CSMD1: variants seen among roughly 807,000 people sequenced by gnomAD.
CSMD1 encodes the protein CUB and Sushi multiple domains 1, also known as CUB and sushi domain-containing protein 1.
Under a neutral mutation model 417.5 loss-of-function variants are expected in CSMD1, and 213 were observed. The observed-to-expected ratio is 0.51, with a 90% confidence interval of 0.46 to 0.57. The LOEUF is 0.57. Ranked by LOEUF, CSMD1 falls within the 20% of genes least tolerant of loss-of-function variation. The pLI is 0.00. For missense variants in CSMD1, 6,923 were observed against 4,529.7 expected (o/e 1.53, Z -15.17); for synonymous variants, 2,862 against 1,736.8 (o/e 1.65, Z -16.11).
intron 12 of CSMD1, among the ~76,000 whole-genome samples, chr8:3,467,444 A>C (rs377185669): frequency 2.3e-4 from 35 of 152,320 alleles, no homozygotes; most frequent in African/African-American, 8.2e-4. Context: ...TAAAAGTTCA[A>C]TTGAAGGTCA....
At chr8:4,419,175 C>T (rs1053951487) in intron 3 of CSMD1, among the ~76,000 whole-genome samples, 7 of 152,122 alleles carry the variant, frequency 4.6e-5, no homozygotes, top group East Asian at 1.9e-4. Flanking sequence ...ACACCCCTAA[C>T]GATAGATTGC....
chr8:3,825,851 G>C (rs1056753667), intron 5 of CSMD1, among the ~76,000 whole-genome samples: 4 of 152,160 alleles, frequency 2.6e-5, no homozygotes, highest in Non-Finnish European at 5.9e-5. Flanking sequence ...TAGACATATA[G>C]AGACGCATTG....
chr8:3,689,260 G>C (rs1055563882), intron 7 of CSMD1, among the ~76,000 whole-genome samples: 1 of 152,128 alleles, frequency 6.6e-6, no homozygotes, highest in Admixed American at 6.5e-5. Flanking sequence ...GTGAATCATG[G>C]AACTTGCAGC....
intron 2 of CSMD1, among the ~76,000 whole-genome samples, chr8:4,634,045 A>C (rs989961181): frequency 2.6e-5 from 4 of 151,990 alleles, no homozygotes; most frequent in Non-Finnish European, 4.4e-5. Context: ...AATAACACAA[A>C]GATCAGATTT....
Position 4,672,834 on chromosome 8 carries a change from C to T in CSMD1, c.86-35276G>A, listed in dbSNP as rs114740264. ...GTAACAAAACACACACACACACTCC[C>T]GTATGTAGTGACGTACACATATGCA... On this transcript the variant is annotated intron_variant, in intron 1 of 69. Coordinates refer to ENST00000635120, the MANE Select transcript of CSMD1 (RefSeq NM_033225.6). Among the ~76,000 whole-genome samples the T allele has an allele frequency of 4.0e-3, 612 of 152,000 alleles. 7 individuals are homozygous for T. Among genetic ancestry groups the T allele is most frequent in the African/African-American group, 0.014 (579 of 41,452 alleles).
At chr8:4,155,471 T>A (rs1037466438) in intron 3 of CSMD1, among the ~76,000 whole-genome samples, 1 of 152,216 alleles carries the variant, frequency 6.6e-6, no homozygotes, top group Non-Finnish European at 1.5e-5. Context: ...TAAGTATGTG[T>A]TTCCTTCTAG....
chr8:4,541,955 G>C (rs745380037), intron 2 of CSMD1, among the ~76,000 whole-genome samples: 38 of 152,246 alleles, frequency 2.5e-4, no homozygotes, highest in Non-Finnish European at 2.9e-4. Context: ...TGAATTTCCA[G>C]ATGAGGCCTG....
rs192814989 is a variant in CSMD1 at position 4,779,440 on chromosome 8, C to T, written c.86-141882G>A. 1.2e-3 allele frequency among the ~76,000 whole-genome samples: 183 copies of T among 151,412 alleles called. 1 individual carries two copies. The highest frequency in any genetic ancestry group is 4.3e-3 in the African/African-American group (176 of 40,810). On this transcript the variant is annotated intron_variant, in intron 1 of 69. Transcript: ENST00000635120. ...TACCCCTGTGAAAGAGAAAACTCACCACAATGTATATTTAATGAAGCTCAT... is the reference window on the plus strand; with the variant it reads ...TACCCCTGTGAAAGAGAAAACTCACTACAATGTATATTTAATGAAGCTCAT...
In CSMD1 at chr8:3,978,850, C is replaced by G. The variant is rs576086899; in HGVS notation, c.818+19053G>C. On this transcript the variant is annotated intron_variant, in intron 5 of 69. Coordinates refer to ENST00000635120, the MANE Select transcript of CSMD1 (RefSeq NM_033225.6). ...GTCTCGTCTCCTCTTGATCCCTTCCCAGCGCTCCCATTAGGTTTAATGAAA... is the reference window on the plus strand; with the variant it reads ...GTCTCGTCTCCTCTTGATCCCTTCCGAGCGCTCCCATTAGGTTTAATGAAA... Among the ~76,000 whole-genome samples, 6 of 152,232 alleles carry G rather than the reference C, an allele frequency of 3.9e-5. No individual in the cohort carries two copies. In the East Asian group the frequency reaches 1.2e-3, roughly 29 times the overall value.
intron 5 of CSMD1, among the ~76,000 whole-genome samples, chr8:3,833,323 C>T (rs576990604): frequency 1.2e-4 from 19 of 152,166 alleles, no homozygotes; most frequent in African/African-American, 4.3e-4. Flanking sequence ...ATTCGGAAAA[C>T]ATTATTCTAA....
At chr8:4,232,827 ATTACT>A (rs1216928951) in intron 3 of CSMD1, among the ~76,000 whole-genome samples, 1 of 152,178 alleles carries the variant, frequency 6.6e-6, no homozygotes, top group Non-Finnish European at 1.5e-5. Context: ...AAAGACAAAC[ATTACT>A]TTATTTATTT....
chr8:3,906,684 T>C (rs1048137286), intron 5 of CSMD1, among the ~76,000 whole-genome samples: 3 of 151,776 alleles, frequency 2.0e-5, no homozygotes, highest in African/African-American at 7.3e-5. Context: ...AAAATAACTA[T>C]GTTTTATGTA....
intron 3 of CSMD1, among the ~76,000 whole-genome samples, chr8:4,336,589 A>G (rs1800187005): frequency 6.6e-6 from 1 of 152,142 alleles, no homozygotes; most frequent in South Asian, 2.1e-4. Flanking sequence ...GCATGAATTT[A>G]TTTTACACAC....
chr8:3,453,806 G>A (rs1339548098), intron 12 of CSMD1, among the ~76,000 whole-genome samples: 1 of 152,186 alleles, frequency 6.6e-6, no homozygotes, highest in Non-Finnish European at 1.5e-5. Flanking sequence ...GGGGGGGATA[G>A]TTCTGTAGAT....
intron 3 of CSMD1, among the ~76,000 whole-genome samples, chr8:4,111,310 C>A (rs1801842362): frequency 6.6e-6 from 1 of 151,976 alleles, no homozygotes; most frequent in South Asian, 2.1e-4. Context: ...AATCTGATGG[C>A]TGAAGAAAGA....
chr8:4,486,314 C>T (rs931402392), intron 2 of CSMD1, among the ~76,000 whole-genome samples: 3 of 148,198 alleles, frequency 2.0e-5, no homozygotes, highest in Non-Finnish European at 4.5e-5. Flanking sequence ...GCTTTTATCC[C>T]CCTAGCTACA....
At chr8:4,272,692 G>A (rs1289633021) in intron 3 of CSMD1, among the ~76,000 whole-genome samples, 1 of 152,010 alleles carries the variant, frequency 6.6e-6, no homozygotes, top group East Asian at 1.9e-4. Context: ...AAATATATTT[G>A]GAAGACTGTA....
At chr8:4,463,591 C>T (rs1200555820) in intron 2 of CSMD1, among the ~76,000 whole-genome samples, 6 of 152,052 alleles carry the variant, frequency 3.9e-5, no homozygotes, top group African/African-American at 7.2e-5. Context: ...AGTGAACTGC[C>T]GATTTATTCC....
chr8:4,576,676 G>C (rs1799152661), intron 2 of CSMD1, among the ~76,000 whole-genome samples: 1 of 151,928 alleles, frequency 6.6e-6, no homozygotes, highest in South Asian at 2.1e-4. Flanking sequence ...TAAAATAATA[G>C]CCTTCAGTCA....
Sources: allele counts gnomAD v4.1 joint callset (sites outside exome capture counted in the v4.1 genomes callset), GRCh38; gene constraint gnomAD v4.1.1; transcripts MANE v1.5; gene names NCBI Gene and HGNC (gene_info 2026-07-23, HGNC 2026-07-21).